Variants in TRIM50 observed in about 807,000 individuals in gnomAD.
TRIM50 encodes the protein tripartite motif containing 50.
A neutral mutation model predicts 44.9 loss-of-function variants in TRIM50; 34 were observed. The ratio of observed to expected loss-of-function variants is 0.76; its 90% CI spans 0.58 to 1.01. TRIM50 has a LOEUF of 1.01. Ranked by LOEUF, TRIM50 falls within the 50% of genes least tolerant of loss-of-function variation. The pLI, the probability that TRIM50 is intolerant of heterozygous loss-of-function variation, is 0.00. For missense variants in TRIM50, 633 were observed against 663.7 expected, an observed-to-expected ratio of 0.95 and a Z score of 0.51; for synonymous variants, 307 against 291.1, an observed-to-expected ratio of 1.05 and a Z score of -0.56.
rs1412925591 is a variant in TRIM50 at position 73,313,033 on chromosome 7, T to G, written c.1352A>C (p.Tyr451Ser). 2.6e-6 allele frequency: 4 copies of G among 1,567,758 alleles called. No individual in the cohort carries two copies. The East Asian group carries it at 7.1e-5, about 28-fold the overall frequency. ...GTGCCAGCAGGTGTCCAGGATGGGG[T>G]AGAGCTTGCCCTGGAAGTCGGCCTG... is the stretch of plus-strand genomic sequence containing the variant. ...TFQADFQGKLYPILDTCWHER... is the reference protein window; with the variant it reads ...TFQADFQGKLSPILDTCWHER... The change falls in exon 7 of 7, where the codon TAC becomes TCC. Residue 451 changes from tyrosine to serine, a missense_variant. Tyr to Ser is a moderately radical substitution (Grantham distance 144). Transcript: ENST00000333149. The surrounding 1 kb of genome is among the most constrained non-coding windows in gnomAD (Gnocchi z 4.9).
chr7:73,327,140 A>G (rs1429046170), intron 1 of TRIM50, among the ~76,000 whole-genome samples: 1 of 151,630 alleles, frequency 6.6e-6, no homozygotes, highest in African/African-American at 2.4e-5. Context: ...CTGTGGTTTG[A>G]ATGTATCCTC....
In TRIM50 at chr7:73,313,132, A is replaced by G; in HGVS notation, c.1253T>C (p.Leu418Pro). The G allele has an allele frequency of 6.3e-7, 1 of 1,592,574 alleles. No individual in the cohort carries two copies. The highest frequency in any genetic ancestry group is 8.5e-7 in the Non-Finnish European group (1 of 1,170,074). Residue 418 changes from leucine to proline, a missense_variant, in exon 7 of 7, where the codon CTG (leucine) becomes CCG (proline). Coordinates refer to ENST00000333149, the MANE Select transcript of TRIM50 (RefSeq NM_178125.3). This position sits in a 1 kb window ranked among gnomAD's most constrained non-coding sequence, Gnocchi z 4.9. ...AGHPHRIGLYLHYEQGELTFF... is the reference protein window; with the variant it reads ...AGHPHRIGLYPHYEQGELTFF... ...GGTGAGTTCGCCCTGCTCATAGTGCAGGTAGAGCCCGATGCGGTGGGGGTG... is the reference window on the plus strand; with the variant it reads ...GGTGAGTTCGCCCTGCTCATAGTGCGGGTAGAGCCCGATGCGGTGGGGGTG...
In TRIM50 at chr7:73,313,588, C is replaced by T. The variant is rs1554543629; in HGVS notation, c.875-78G>A. On this transcript the variant is annotated intron_variant, in intron 6 of 6. Transcript: ENST00000333149. This position sits in a 1 kb window ranked among gnomAD's most constrained non-coding sequence, Gnocchi z 4.9. ...CGGCCCACAGAAGCTGATGGAGGCC[C>T]TGAACTCCCCAAGGAGAGGGGCTGT... The T allele has an allele frequency of 2.4e-6, 3 of 1,244,110 alleles. No homozygotes were observed. The Admixed American group carries it at 8.5e-5, about 35-fold the overall frequency. The allele number at this position is 1,244,110 out of a possible 1,614,324, so 77.1% of individuals were successfully genotyped here. A position where few individuals can be genotyped will look rare whatever the true frequency, so the allele number is the denominator to read the frequency against.
Position 73,313,302 on chromosome 7 carries a change from C to A in TRIM50, c.1083G>T (p.Trp361Cys). 1 of 1,605,948 alleles carries A rather than the reference C, an allele frequency of 6.2e-7. No homozygotes were observed. The highest frequency in any genetic ancestry group is 8.5e-7 in the Non-Finnish European group (1 of 1,177,150). ...WEVVVGSKSDWRLGVIKGTAS... is the reference protein window; with the variant it reads ...WEVVVGSKSDCRLGVIKGTAS... ...CTGTGCCCTTGATGACCCCCAGGCG[C>A]CAGTCGCTCTTGCTGCCCACCACCA... The change falls in exon 7 of 7, where the codon TGG becomes TGT. Residue 361 changes from tryptophan to cysteine, a missense_variant. Trp to Cys is a radical substitution (Grantham distance 215). Coordinates refer to ENST00000333149, the MANE Select transcript of TRIM50 (RefSeq NM_178125.3). This position sits in a 1 kb window ranked among gnomAD's most constrained non-coding sequence, Gnocchi z 4.9.
rs200181301 is a variant in TRIM50 at position 73,316,669 on chromosome 7, C to T, written c.770G>A (p.Arg257Gln). Residue 257 changes from arginine to glutamine, a missense_variant, in exon 6 of 7, where the codon CGG becomes CAG. Physicochemically the swap from Arg to Gln is conservative, Grantham distance 43. Transcript: ENST00000333149. ...MASRAEMPQA[R>Q]PLEGAFSPIS... ...GGGGCTGAATGCGCCTTCTAAGGGC[C>T]GGGCCTGCGGCATCTCTGCTCTGCA... 7.7e-5 allele frequency: 124 copies of T among 1,613,954 alleles called. No individual in the cohort carries two copies. Among genetic ancestry groups the T allele is most frequent in the Middle Eastern group, 5.0e-4 (3 of 6,054 alleles).
intron 2 of TRIM50, among the ~76,000 whole-genome samples, chr7:73,322,861 C>T (rs1554545263): frequency 7.2e-5 from 11 of 152,182 alleles, no homozygotes. Context: ...CCCTGAGCCC[C>T]ACCGCTGTCC....
At chr7:73,315,310 GT>G (rs1554543872) in intron 6 of TRIM50, 1 of 147,782 alleles carries the variant, frequency 6.8e-6, no homozygotes, top group Admixed American at 6.8e-5. Flanking sequence ...AGGATTCACA[GT>G]TCACAAACTG....
At chr7:73,326,706 T>G (rs1453411687) in intron 1 of TRIM50, among the ~76,000 whole-genome samples, 1 of 152,204 alleles carries the variant, frequency 6.6e-6, no homozygotes, top group East Asian at 1.9e-4. Flanking sequence ...TCTGGTTACT[T>G]TCACTCAATA....
chr7:73,327,351 G>C (rs1433992770), intron 1 of TRIM50, among the ~76,000 whole-genome samples: 12 of 152,162 alleles, frequency 7.9e-5, no homozygotes, highest in African/African-American at 2.4e-4. Flanking sequence ...GCTGGGCCTG[G>C]TGGTGCAGTT....
Position 73,313,241 on chromosome 7 carries a change from G to T in TRIM50, c.1144C>A (p.His382Asn). 6.3e-7 allele frequency: 1 copy of T among 1,596,824 alleles called. No homozygotes were observed. Among genetic ancestry groups the T allele is most frequent in the Admixed American group, 1.7e-5 (1 of 57,216 alleles). ...TTCAGGCCGATCAGCCACACGCCGT[G>T]CTCGGGGGACCTGTTCAGCTTGCCC... is the stretch of plus-strand genomic sequence containing the variant. ...RKGKLNRSPE[H>N]GVWLIGLKEG... is the part of the protein sequence containing the mutation. Residue 382 changes from histidine to asparagine, a missense_variant, in exon 7 of 7, where the codon CAC becomes AAC. Physicochemically the swap from His to Asn is moderately conservative, Grantham distance 68. Coordinates refer to ENST00000333149, the MANE Select transcript of TRIM50 (RefSeq NM_178125.3). The surrounding 1 kb of genome is among the most constrained non-coding windows in gnomAD (Gnocchi z 4.9).
chr7:73,319,531 G>A (rs542022701), intron 3 of TRIM50, among the ~76,000 whole-genome samples: 39 of 152,344 alleles, frequency 2.6e-4, no homozygotes, highest in Non-Finnish European at 3.4e-4. Flanking sequence ...GGCCCTAGGC[G>A]AGCAGGCTTT....
chr7:73,327,241 C>T (rs1300119527), intron 1 of TRIM50, among the ~76,000 whole-genome samples: 1 of 152,020 alleles, frequency 6.6e-6, no homozygotes, highest in Non-Finnish European at 1.5e-5. Flanking sequence ...CTTTGGGAGG[C>T]CAAGACTGGA....
intron 1 of TRIM50, among the ~76,000 whole-genome samples, chr7:73,326,079 C>A (rs1415832801): frequency 6.6e-6 from 1 of 152,038 alleles, no homozygotes; most frequent in Non-Finnish European, 1.5e-5. Context: ...TTTTAGATAC[C>A]GGGTCTTGCT....
intron 6 of TRIM50, chr7:73,314,403 A>C (rs1425210931): frequency 2.3e-6 from 1 of 426,352 alleles, no homozygotes; most frequent in Non-Finnish European, 4.5e-6. Flanking sequence ...AAGCTGGCCC[A>C]GAAGTACAGA....
chr7:73,326,162 T>C (rs1167714243), intron 1 of TRIM50, among the ~76,000 whole-genome samples: 2 of 152,254 alleles, frequency 1.3e-5, no homozygotes, highest in Non-Finnish European at 2.9e-5. Context: ...AGTGCTGGGA[T>C]TACAGGCGTG....
rs1238433645 is a variant in TRIM50 at position 73,316,644 on chromosome 7, G to A, written c.795C>T (p.Pro265=). The change falls in exon 6 of 7, where the codon CCC becomes CCT. Residue 265 remains proline (P), a synonymous_variant. Transcript: ENST00000333149. ...QARPLEGAFS[P]ISFKPGLHQA... ...GGTGGAGGCCTGGCTTGAAGGAGAT[G>A]GGGCTGAATGCGCCTTCTAAGGGCC... The A allele has an allele frequency of 3.7e-6, 6 of 1,614,220 alleles. No homozygotes were observed. Among genetic ancestry groups the A allele is most frequent in the Middle Eastern group, 1.6e-4 (1 of 6,062 alleles).
intron 5 of TRIM50, among the ~76,000 whole-genome samples, chr7:73,317,353 CT>C (rs547252453): frequency 1.0e-3 from 123 of 117,990 alleles, no homozygotes; most frequent in East Asian, 3.5e-3. Context: ...CATGCCAAGA[CT>C]TTTTTTTTTT....
In TRIM50 at chr7:73,313,564, G is replaced by C. The variant is rs1166243926; in HGVS notation, c.875-54C>G. 1 of 1,404,332 alleles carries C rather than the reference G, an allele frequency of 7.1e-7. No individual in the cohort carries two copies. The highest frequency in any genetic ancestry group is 9.4e-7 in the Non-Finnish European group (1 of 1,066,578). The allele number at this position is 1,404,332 out of a possible 1,614,324, so 87.0% of individuals were successfully genotyped here. A position where few individuals can be genotyped will look rare whatever the true frequency, so the allele number is the denominator to read the frequency against. On this transcript the variant is annotated intron_variant, in intron 6 of 6. Coordinates refer to ENST00000333149, the MANE Select transcript of TRIM50 (RefSeq NM_178125.3). This position sits in a 1 kb window ranked among gnomAD's most constrained non-coding sequence, Gnocchi z 4.9. ...AGGCCACGTGGAGGGCAGCAGACCC[G>C]GCCCACAGAAGCTGATGGAGGCCCT...
At chr7:73,317,305 T>C (rs150186417) in intron 5 of TRIM50, among the ~76,000 whole-genome samples, 4,900 of 150,758 alleles carry the variant, frequency 0.033, 276 homozygotes, top group African/African-American at 0.11. Flanking sequence ...CCACCCACCT[T>C]GGCCTCCCAA....
Sources: allele counts gnomAD v4.1 joint callset (sites outside exome capture counted in the v4.1 genomes callset), GRCh38; gene constraint gnomAD v4.1.1; non-coding constraint Gnocchi (gnomAD v3.1); transcripts MANE v1.5; gene names NCBI Gene and HGNC (gene_info 2026-07-23, HGNC 2026-07-21).